SP6: variants seen among roughly 807,000 people sequenced by gnomAD.
SP6 encodes transcription factor Sp6.
A neutral mutation model predicts 23.4 loss-of-function variants in SP6; 10 were observed. That is an observed-to-expected ratio of 0.43 (90% confidence interval 0.26 to 0.72). The LOEUF (loss-of-function observed/expected upper bound fraction) is 0.72, where lower values mean the gene tolerates loss of function less well. Ranked by LOEUF, SP6 falls within the 30% of genes least tolerant of loss-of-function variation. SP6 has a pLI of 0.23. For missense variants in SP6, 482 were observed against 523.8 expected, an observed-to-expected ratio of 0.92 and a Z score of 0.78; for synonymous variants, 238 against 238.7, an observed-to-expected ratio of 1.00 and a Z score of 0.03.
At chr17:47,851,677 T>A (rs978542718), upstream of SP6, among the ~76,000 whole-genome samples, 4 of 152,016 alleles carry the variant, frequency 2.6e-5, no homozygotes, top group Non-Finnish European at 5.9e-5. Context: ...GTGAAATTTG[T>A]CTTGGCTGCC....
At chr17:47,867,926 A>C in the SP6 span, among the ~76,000 whole-genome samples, 1 of 151,352 alleles carries the variant, frequency 6.6e-6, no homozygotes. Flanking sequence ...TCCCCCAACC[A>C]CCCCTCACAG....
the SP6 span, among the ~76,000 whole-genome samples, chr17:47,870,991 A>G: frequency 0.04 from 6,121 of 152,252 alleles, 407 homozygotes; most frequent in African/African-American, 0.14. Flanking sequence ...TGCTGAGAAG[A>G]GGGATTCTTC....
the SP6 span, among the ~76,000 whole-genome samples, chr17:47,870,160 A>G: frequency 1.3e-5 from 2 of 152,124 alleles, no homozygotes; most frequent in East Asian, 3.9e-4. Context: ...CAGACACACT[A>G]ACCTATTTCA....
chr17:47,875,390 C>T, the SP6 span, among the ~76,000 whole-genome samples: 2 of 152,150 alleles, frequency 1.3e-5, no homozygotes, highest in Non-Finnish European at 2.9e-5. Context: ...GTAGGCTGCC[C>T]TCACCCCTCT....
At chr17:47,862,996 G>A in the SP6 span, among the ~76,000 whole-genome samples, 1 of 152,278 alleles carries the variant, frequency 6.6e-6, no homozygotes, top group Non-Finnish European at 1.5e-5. Context: ...CCAAATTAGA[G>A]ACACGAAGTT....
the SP6 span, among the ~76,000 whole-genome samples, chr17:47,871,787 T>C: frequency 3.3e-5 from 5 of 152,000 alleles, no homozygotes; most frequent in African/African-American, 1.2e-4. Flanking sequence ...CCTGACTAAT[T>C]TTTTTGTATT....
the SP6 span, among the ~76,000 whole-genome samples, chr17:47,861,045 G>C: frequency 6.6e-6 from 1 of 152,372 alleles, no homozygotes; most frequent in South Asian, 2.1e-4. Context: ...AATCAGGCGG[G>C]TAGGGGGAAG....
upstream of SP6, among the ~76,000 whole-genome samples, chr17:47,851,444 T>C (rs1454169735): frequency 1.3e-5 from 2 of 152,016 alleles, no homozygotes; most frequent in Non-Finnish European, 2.9e-5. Flanking sequence ...GCCCTGGAGC[T>C]AGCTCGGTCT....
the SP6 span, among the ~76,000 whole-genome samples, chr17:47,869,861 A>G: frequency 6.6e-6 from 1 of 152,208 alleles, no homozygotes; most frequent in East Asian, 1.9e-4. Flanking sequence ...TATGTTCTAT[A>G]TTTATAACAC....
the SP6 span, among the ~76,000 whole-genome samples, chr17:47,861,407 G>A: frequency 6.6e-6 from 1 of 152,222 alleles, no homozygotes; most frequent in East Asian, 1.9e-4. Flanking sequence ...TCTAGAGGAA[G>A]CTTCATCTTT....
chr17:47,848,020 C>G lies in SP6; in HGVS notation c.410G>C (p.Gly137Ala), dbSNP rs780219215. 2 of 1,610,192 alleles carry G rather than the reference C, an allele frequency of 1.2e-6. 1 individual carries two copies. Among genetic ancestry groups the G allele is most frequent in the South Asian group, 2.2e-5 (2 of 90,450 alleles). The change falls in exon 2 of 2, where the codon GGC (glycine) becomes GCC (alanine). Residue 137 changes from glycine to alanine, a missense_variant. By Grantham distance (60) the Gly-to-Ala change is moderately conservative. Coordinates refer to ENST00000536300, the MANE Select transcript of SP6 (RefSeq NM_001258248.2). This position sits in a 1 kb window ranked among gnomAD's most constrained non-coding sequence, Gnocchi z 5.3. Reference sequence around the variant, plus strand: ...CGGGTGGCCAGGTGAGGTCAGCGCGCCCTGAGTGTGGGGGAGGTCCATCCA... The same window carrying G: ...CGGGTGGCCAGGTGAGGTCAGCGCGGCCTGAGTGTGGGGGAGGTCCATCCA... Reference protein sequence around the residue: ...TSWMDLPHTQGALTSPGHPGA... With the variant: ...TSWMDLPHTQAALTSPGHPGA...
chr17:47,858,882 C>A (rs1223350331), upstream of SP6, among the ~76,000 whole-genome samples: 1 of 141,092 alleles, frequency 7.1e-6, no homozygotes, highest in Admixed American at 7.8e-5. Context: ...TCAAGTGATT[C>A]TCATGCCTCA....
chr17:47,849,993 G>A (rs1418374227), intron 1 of SP6, among the ~76,000 whole-genome samples: 1 of 152,188 alleles, frequency 6.6e-6, no homozygotes, highest in East Asian at 1.9e-4. Context: ...GGGAGAGGGA[G>A]GGAGAGGAGG....
upstream of SP6, among the ~76,000 whole-genome samples, chr17:47,851,388 G>C (rs762502555): frequency 3.3e-5 from 5 of 152,256 alleles, no homozygotes; most frequent in East Asian, 9.7e-4. Flanking sequence ...GGGCCCGGGT[G>C]GGGTGATTCC....
Position 47,847,698 on chromosome 17 carries a change from C to A in SP6, c.732G>T (p.Gly244=), listed in dbSNP as rs1307624900. The change falls in exon 2 of 2, where the codon GGG becomes GGT. Residue 244 remains glycine, a synonymous_variant. Coordinates refer to ENST00000536300, the MANE Select transcript of SP6 (RefSeq NM_001258248.2). ...AATGCTTCTTCTTGCCCCCATCGGGCCCACATGGAGCCCCCAGTCGCTCCG... is the reference window on the plus strand; with the variant it reads ...AATGCTTCTTCTTGCCCCCATCGGGACCACATGGAGCCCCCAGTCGCTCCG... ...LEAERLGAPC[G]PDGGKKKHLH... 2.5e-6 allele frequency: 4 copies of A among 1,605,602 alleles called. No individual in the cohort carries two copies. The highest frequency in any genetic ancestry group is 3.4e-6 in the Non-Finnish European group (4 of 1,175,070).
chr17:47,857,182 C>T (rs2034003743), upstream of SP6, among the ~76,000 whole-genome samples: 1 of 152,042 alleles, frequency 6.6e-6, no homozygotes, highest in South Asian at 2.1e-4. Flanking sequence ...CCTGGGGGAA[C>T]CCAGGCATCA....
chr17:47,855,941 G>C (rs35598018), upstream of SP6: 1 of 152,262 alleles, frequency 6.6e-6, no homozygotes, highest in Non-Finnish European at 1.5e-5. Flanking sequence ...CCTTCCTTCC[G>C]CAGAGTTGGC....
At chr17:47,858,454 G>C (rs1475211109), upstream of SP6, among the ~76,000 whole-genome samples, 1 of 152,160 alleles carries the variant, frequency 6.6e-6, no homozygotes, top group Non-Finnish European at 1.5e-5. Flanking sequence ...AGGCTGCAAG[G>C]GGGAGGCTGG....
At chr17:47,869,304 C>T in the SP6 span, among the ~76,000 whole-genome samples, 1 of 152,246 alleles carries the variant, frequency 6.6e-6, no homozygotes, top group African/African-American at 2.4e-5. Context: ...AGGTTGGGGA[C>T]TTCCTCTGGA....
Sources: gnomAD v4.1 joint callset for allele counts (sites outside exome capture counted in the v4.1 genomes callset) on GRCh38, gnomAD v4.1.1 for gene constraint, Gnocchi (gnomAD v3.1) non-coding constraint, MANE v1.5 for transcripts, NCBI Gene and HGNC (gene_info 2026-07-23, HGNC 2026-07-21) for gene names.